PCDH15: variants seen among roughly 807,000 people sequenced by gnomAD.
PCDH15 encodes protocadherin-15.
Under a neutral mutation model 178.5 loss-of-function variants are expected in PCDH15, and 129 were observed. The ratio of observed to expected loss-of-function variants is 0.72; its 90% CI spans 0.63 to 0.84. PCDH15 has a LOEUF of 0.84. PCDH15 is among the 40% of genes least tolerant of loss of function. PCDH15 has a pLI of 0.00. For missense variants in PCDH15, 2,230 were observed against 2,099.9 expected (o/e 1.06, Z -1.21); for synonymous variants, 800 against 732.0 (o/e 1.09, Z -1.50).
At chr10:55,100,744 A>G (rs548020177) in intron 2 of PCDH15, among the ~76,000 whole-genome samples, 2 of 152,204 alleles carry the variant, frequency 1.3e-5, no homozygotes, top group East Asian at 1.9e-4. Context: ...TGAGGGGTCA[A>G]CCTCCATGAC....
chr10:55,144,704 T>C (rs2132092828), intron 2 of PCDH15, among the ~76,000 whole-genome samples: 1 of 152,258 alleles, frequency 6.6e-6, no homozygotes, highest in Middle Eastern at 3.4e-3. Flanking sequence ...AAACATGGTA[T>C]GATCCAAATC....
chr10:54,232,280 T>C (rs1371313205), intron 9 of PCDH15, among the ~76,000 whole-genome samples: 1 of 152,198 alleles, frequency 6.6e-6, no homozygotes, highest in Non-Finnish European at 1.5e-5. Flanking sequence ...TCTCTCCTGC[T>C]CTGGCCACGT....
At chr10:54,232,520 T>G (rs913427820) in intron 9 of PCDH15, among the ~76,000 whole-genome samples, 2 of 152,240 alleles carry the variant, frequency 1.3e-5, no homozygotes, top group Admixed American at 1.3e-4. Flanking sequence ...TCCAGAATTC[T>G]TCTTTGTGGG....
At chr10:55,238,874 A>C (rs903504869) in intron 1 of PCDH15, among the ~76,000 whole-genome samples, 4 of 152,150 alleles carry the variant, frequency 2.6e-5, no homozygotes, top group African/African-American at 9.7e-5. Context: ...TTAGGAACAC[A>C]AAGTACTTTT....
intron 2 of PCDH15, among the ~76,000 whole-genome samples, chr10:55,034,076 GA>G (rs34250260): frequency 0.48 from 69,275 of 144,902 alleles, 17,544 homozygotes; most frequent in East Asian, 0.73. Context: ...AGAACTCTGA[GA>G]AAAAAAAAAA....
intron 9 of PCDH15, among the ~76,000 whole-genome samples, chr10:54,234,527 C>T (rs74850034): frequency 0.055 from 8,303 of 151,890 alleles, 563 homozygotes; most frequent in African/African-American, 0.17. Context: ...CACTCCAGTG[C>T]GGGTGACAGA....
intron 2 of PCDH15, among the ~76,000 whole-genome samples, chr10:55,524,975 T>A (rs111416433): frequency 6.6e-6 from 1 of 151,770 alleles, no homozygotes; most frequent in Non-Finnish European, 1.5e-5. Flanking sequence ...AGTAGTAATT[T>A]TATGTGAAAT....
chr10:53,809,238 G>A (rs1340021012), intron 37 of PCDH15: 28 of 1,613,784 alleles, frequency 1.7e-5, no homozygotes, highest in East Asian at 4.5e-5. Flanking sequence ...CAGTATAGTC[G>A]CTGGAGGATT....
chr10:54,244,709 TCA>T (rs2055749395), intron 8 of PCDH15, among the ~76,000 whole-genome samples: 1 of 152,200 alleles, frequency 6.6e-6, no homozygotes, highest in Admixed American at 6.5e-5. Context: ...TTCCTACTTC[TCA>T]CACTGCCACA....
chr10:54,957,913 A>T (rs1278634494), intron 2 of PCDH15, among the ~76,000 whole-genome samples: 2 of 151,722 alleles, frequency 1.3e-5, no homozygotes, highest in East Asian at 3.9e-4. Context: ...TAAAAGCAGG[A>T]CATAAATTTA....
At position 54,105,277 on chromosome 10, in the gene PCDH15, GATATATATATATATATATATAT is replaced by G. The variant is rs55696020; in HGVS notation, c.1918-15236_1918-15215del. Among the ~76,000 whole-genome samples, 53 of 90,452 alleles carry G rather than the reference GATATATATATATATATATATAT, an allele frequency of 5.9e-4. 2 individuals are homozygous for G. The highest frequency in any genetic ancestry group is 1.8e-3 in the African/African-American group (47 of 26,690). The allele number at this position is 90,452 out of a possible 152,430, so 59.3% of individuals were successfully genotyped here. On this transcript the variant is annotated intron_variant, in intron 15 of 37. Coordinates refer to ENST00000644397, the MANE Select transcript of PCDH15 (RefSeq NM_001384140.1). ...ATATAGATATAGACATATAGATGGA[GATATATATATATATATATATAT>G]ATATATATATATATATATACACACA...
chr10:53,848,568 G>T (rs894114847), intron 28 of PCDH15, among the ~76,000 whole-genome samples: 1 of 151,794 alleles, frequency 6.6e-6, no homozygotes, highest in Admixed American at 6.6e-5. Context: ...AAATAAAGTT[G>T]TCTGGAAATG....
chr10:54,514,908 T>C (rs1169272968), intron 3 of PCDH15, among the ~76,000 whole-genome samples: 1 of 152,226 alleles, frequency 6.6e-6, no homozygotes, highest in Non-Finnish European at 1.5e-5. Context: ...CCATAAAACT[T>C]ACTCATCGAA....
chr10:55,309,976 C>A (rs1290412539), intron 1 of PCDH15, among the ~76,000 whole-genome samples: 1 of 152,024 alleles, frequency 6.6e-6, no homozygotes, highest in African/African-American at 2.4e-5. Context: ...CCTTTCCTAT[C>A]TCAAGTTTTT....
intron 2 of PCDH15, among the ~76,000 whole-genome samples, chr10:54,625,253 T>G (rs961404122): frequency 1.3e-5 from 2 of 151,282 alleles, no homozygotes; most frequent in African/African-American, 4.9e-5. Context: ...CAAAAGGAGG[T>G]CTCCCAGGTC....
intron 21 of PCDH15, among the ~76,000 whole-genome samples, chr10:53,993,587 G>A (rs1589813173): frequency 6.6e-6 from 1 of 152,198 alleles, no homozygotes; most frequent in African/African-American, 2.4e-5. Context: ...CACTTGGCAA[G>A]CCTATCTGAA....
rs543900232 is a variant in PCDH15 at position 54,928,669 on chromosome 10, A to G, written c.-79-31169T>C. On this transcript the variant is annotated intron_variant, in intron 2 of 5. Coordinates refer to the PCDH15 transcript ENST00000458638. ...CTTTTTCTTTAGTCTTTTCTGACTA[A>G]CTTATTTCAGAAAGCTGATCTCTTC... Among the ~76,000 whole-genome samples, 178 of 152,086 alleles carry G rather than the reference A, an allele frequency of 1.2e-3. 2 individuals carry two copies. The highest frequency in any genetic ancestry group is 4.1e-3 in the African/African-American group (171 of 41,496).
intron 1 of PCDH15, among the ~76,000 whole-genome samples, chr10:55,318,682 TATG>T (rs1378081474): frequency 6.6e-6 from 1 of 152,064 alleles, no homozygotes; most frequent in Non-Finnish European, 1.5e-5. Flanking sequence ...TAAAAAATAA[TATG>T]ATGAGAGAAA....
intron 2 of PCDH15, among the ~76,000 whole-genome samples, chr10:54,984,648 G>A (rs1839319859): frequency 6.6e-6 from 1 of 152,106 alleles, no homozygotes. Flanking sequence ...AGACCAGCCT[G>A]GGCAACATCG....
Sources: allele counts gnomAD v4.1 joint callset (sites outside exome capture counted in the v4.1 genomes callset), GRCh38; gene constraint gnomAD v4.1.1; transcripts MANE v1.5; gene names NCBI Gene and HGNC (gene_info 2026-07-23, HGNC 2026-07-21).